The following ANTXR1 variants were observed in gnomAD, a reference collection of about 807,000 sequenced individuals.
ANTXR1 encodes the protein anthrax toxin receptor 1.
Under a neutral mutation model 78.1 loss-of-function variants are expected in ANTXR1, and 19 were observed. The observed-to-expected ratio is 0.24, with a 90% CI of 0.17 to 0.36. ANTXR1 has a LOEUF of 0.36. Ranked by LOEUF, ANTXR1 falls within the 10% of genes least tolerant of loss-of-function variation. ANTXR1 has a pLI of 1.00. For missense variants in ANTXR1, 518 were observed against 718.6 expected, an observed-to-expected ratio of 0.72 and a Z score of 3.19; for synonymous variants, 273 against 260.5, an observed-to-expected ratio of 1.05 and a Z score of -0.46.
chr2:69,236,841 C>T (rs1339569263), intron 17 of ANTXR1, among the ~76,000 whole-genome samples: 2 of 152,148 alleles, frequency 1.3e-5, no homozygotes, highest in Admixed American at 6.5e-5. Flanking sequence ...TCACAGTAAA[C>T]TACTTTAAAA....
At chr2:69,071,656 T>C (rs533149322) in intron 4 of ANTXR1, 98 bp from the exon 5 acceptor site, 2 of 1,181,844 alleles carry the variant, frequency 1.7e-6, no homozygotes, top group Admixed American at 1.7e-5. Context: ...CAAGACTGAA[T>C]TGGCTGCATA....
intron 11 of ANTXR1, among the ~76,000 whole-genome samples, chr2:69,123,688 T>C (rs146769212): frequency 1.3e-5 from 2 of 152,244 alleles, no homozygotes; most frequent in East Asian, 3.9e-4. Flanking sequence ...GAAAATCTCA[T>C]GGTGATGCAA....
chr2:69,202,518 G>A (rs184094103), intron 17 of ANTXR1, among the ~76,000 whole-genome samples: 33 of 152,312 alleles, frequency 2.2e-4, no homozygotes, highest in Admixed American at 1.0e-3. Flanking sequence ...AGACTTGAGC[G>A]TGATTAAGTG....
At chr2:69,089,516 G>A (rs1293864180) in intron 8 of ANTXR1, among the ~76,000 whole-genome samples, 1 of 152,162 alleles carries the variant, frequency 6.6e-6, no homozygotes, top group Non-Finnish European at 1.5e-5. Flanking sequence ...AAGCTCCTCA[G>A]CATATTTTTT....
In ANTXR1 at chr2:69,183,989, G is replaced by A. The variant is rs568958335; in HGVS notation, c.1353+1329G>A. 1.6e-4 allele frequency among the ~76,000 whole-genome samples: 24 copies of A among 152,030 alleles called. No individual in the cohort carries two copies. In the South Asian group the frequency reaches 4.2e-3, roughly 26 times the overall value. On this transcript the variant is annotated intron_variant, in intron 16 of 17. Coordinates refer to ENST00000303714, the MANE Select transcript of ANTXR1 (RefSeq NM_032208.3). ...CCAGTTTCAAGCTGCAAACAGAACC[G>A]AACCAACTCCAAAGCCTCAAGTCAA...
chr2:69,203,680 A>G (rs190047750), intron 17 of ANTXR1, among the ~76,000 whole-genome samples: 8 of 151,334 alleles, frequency 5.3e-5, no homozygotes, highest in South Asian at 4.2e-4. Context: ...TCCAATCCTC[A>G]CAATCTGATC....
chr2:69,129,389 T>G (rs1014129037), intron 12 of ANTXR1, among the ~76,000 whole-genome samples: 1 of 152,200 alleles, frequency 6.6e-6, no homozygotes, highest in African/African-American at 2.4e-5. Context: ...GAACTCCTAC[T>G]GTGTCTCCTA....
At chr2:69,137,555 C>G (rs1290133975) in intron 12 of ANTXR1, among the ~76,000 whole-genome samples, 3 of 152,036 alleles carry the variant, frequency 2.0e-5, no homozygotes, top group African/African-American at 7.2e-5. Flanking sequence ...GAAAAAGGAT[C>G]TGAAAAGTCA....
chr2:69,095,084 A>C (rs141331152), intron 9 of ANTXR1, among the ~76,000 whole-genome samples: 1 of 152,324 alleles, frequency 6.6e-6, no homozygotes, highest in Non-Finnish European at 1.5e-5. Context: ...CCCAAATTTT[A>C]AGAATGGTAT....
intron 13 of ANTXR1, 109 bp from the exon 14 acceptor site, chr2:69,170,139 T>C: frequency 2.5e-6 from 3 of 1,218,098 alleles, no homozygotes; most frequent in Non-Finnish European, 3.6e-6. Context: ...GCTGGGGCCA[T>C]TGCCATGGTA....
At chr2:69,161,910 C>A (rs1463057612) in intron 13 of ANTXR1, among the ~76,000 whole-genome samples, 2 of 152,106 alleles carry the variant, frequency 1.3e-5, no homozygotes, top group Non-Finnish European at 2.9e-5. Flanking sequence ...CCAGAAGTCC[C>A]CCAGGACATA....
chr2:69,120,086 A>G (rs560681669), intron 10 of ANTXR1, among the ~76,000 whole-genome samples: 6 of 152,334 alleles, frequency 3.9e-5, no homozygotes, highest in African/African-American at 1.4e-4. Flanking sequence ...CCCAAACATC[A>G]TCGCTTAGCC....
At chr2:69,209,632 A>T (rs1353895865) in intron 17 of ANTXR1, among the ~76,000 whole-genome samples, 1 of 152,248 alleles carries the variant, frequency 6.6e-6, no homozygotes, top group Non-Finnish European at 1.5e-5. Context: ...CTCTCTAAAG[A>T]GGCGACATTG....
intron 3 of ANTXR1, among the ~76,000 whole-genome samples, chr2:69,065,341 C>T (rs1253448894): frequency 6.8e-6 from 1 of 147,928 alleles, no homozygotes; most frequent in African/African-American, 2.5e-5. Flanking sequence ...AGGAGAACTA[C>T]GTGAACCTGG....
intron 13 of ANTXR1, among the ~76,000 whole-genome samples, chr2:69,163,014 A>G (rs1673725311): frequency 6.6e-6 from 1 of 152,016 alleles, no homozygotes; most frequent in African/African-American, 2.4e-5. Context: ...AAAATAATAA[A>G]CTCAATAAAA....
intron 10 of ANTXR1, among the ~76,000 whole-genome samples, chr2:69,121,737 C>A (rs910104120): frequency 6.6e-6 from 1 of 152,168 alleles, no homozygotes; most frequent in Non-Finnish European, 1.5e-5. Flanking sequence ...AGATCTTATT[C>A]ATCTTCATTT....
At position 69,247,314 on chromosome 2, in the gene ANTXR1, A is replaced by G. The variant is rs1438621156; in HGVS notation, c.*1829A>G. 2 of 152,606 alleles carry G rather than the reference A, an allele frequency of 1.3e-5. No individual in the cohort carries two copies. The highest frequency in any genetic ancestry group is 6.5e-5 in the Admixed American group (1 of 15,274). 9.5% of individuals were successfully genotyped at this position (152,606 alleles called of 1,614,324 possible). A position where few individuals can be genotyped will look rare whatever the true frequency, so the allele number is the denominator to read the frequency against. On this transcript the variant is annotated 3_prime_UTR_variant, in exon 18 of 18. Coordinates refer to ENST00000303714, the MANE Select transcript of ANTXR1 (RefSeq NM_032208.3). ...GAAAGCCAGGGGGCATAAAAGGTAC[A>G]GTCAGGGGAAAATAGATCTAGGCAG...
chr2:69,069,857 G>A (rs1388546209), intron 3 of ANTXR1, among the ~76,000 whole-genome samples: 1 of 152,110 alleles, frequency 6.6e-6, no homozygotes, highest in African/African-American at 2.4e-5. Context: ...CAGGAGGAAG[G>A]CAAAATTTCA....
intron 17 of ANTXR1, among the ~76,000 whole-genome samples, chr2:69,226,295 G>A (rs958976787): frequency 6.6e-6 from 1 of 152,138 alleles, no homozygotes; most frequent in Non-Finnish European, 1.5e-5. Flanking sequence ...TCACTCCAGG[G>A]CTGATCTCTG....
Sources: gnomAD v4.1 joint callset for allele counts (sites outside exome capture counted in the v4.1 genomes callset) on GRCh38, gnomAD v4.1.1 for gene constraint, MANE v1.5 for transcripts, NCBI Gene and HGNC (gene_info 2026-07-23, HGNC 2026-07-21) for gene names.